The following COL25A1 variants were observed in gnomAD, a reference collection of about 807,000 sequenced individuals.
The protein encoded by COL25A1 is collagen type XXV alpha 1 chain.
Under a neutral mutation model 128.4 loss-of-function variants are expected in COL25A1, and 103 were observed. That is an observed-to-expected ratio of 0.80 (90% CI 0.68 to 0.94). The LOEUF is 0.94. COL25A1 is among the 40% of genes least tolerant of loss of function. The pLI is 0.00. For synonymous variants in COL25A1, 279 were observed against 277.2 expected (o/e 1.01, Z -0.06); for missense variants, 745 against 840.0 (o/e 0.89, Z 1.40).
chr4:109,024,093 T>C (rs1758011836), intron 5 of COL25A1, among the ~76,000 whole-genome samples: 1 of 152,214 alleles, frequency 6.6e-6, no homozygotes, highest in Non-Finnish European at 1.5e-5. Context: ...CAATACTTTA[T>C]TATAAAATAG....
chr4:109,165,314 GTTA>G (rs1377883610), intron 3 of COL25A1, among the ~76,000 whole-genome samples: 1 of 152,134 alleles, frequency 6.6e-6, no homozygotes, highest in Non-Finnish European at 1.5e-5. Flanking sequence ...CCTAAAATCA[GTTA>G]TCGGGGTCAT....
intron 3 of COL25A1, among the ~76,000 whole-genome samples, chr4:109,104,450 C>T (rs72670345): frequency 0.08 from 12,066 of 151,720 alleles, 826 homozygotes; most frequent in Admixed American, 0.24. Context: ...TTAATGGTTC[C>T]AATCAATGTT....
intron 19 of COL25A1, among the ~76,000 whole-genome samples, chr4:108,883,282 C>G (rs1740360032): frequency 6.6e-6 from 1 of 152,086 alleles, no homozygotes; most frequent in Admixed American, 6.5e-5. Context: ...CCCGCTTCAG[C>G]CTCCCAAAGT....
At chr4:109,265,678 A>G (rs142294115) in intron 3 of COL25A1, among the ~76,000 whole-genome samples, 333 of 152,202 alleles carry the variant, frequency 2.2e-3, no homozygotes, top group African/African-American at 7.5e-3. Flanking sequence ...CTGAACAGCC[A>G]TTGTTGCGGT....
chr4:109,268,429 G>A (rs1301922103), intron 3 of COL25A1, among the ~76,000 whole-genome samples: 2 of 152,104 alleles, frequency 1.3e-5, no homozygotes, highest in African/African-American at 2.4e-5. Flanking sequence ...GCATGCATAG[G>A]ACAACCTCTA....
At position 108,813,892 on chromosome 4, in the gene COL25A1, A is replaced by G; in HGVS notation, c.*35T>C. 6.4e-7 allele frequency: 1 copy of G among 1,552,432 alleles called. No homozygotes were observed. Among genetic ancestry groups the G allele is most frequent in the Non-Finnish European group, 8.9e-7 (1 of 1,129,502 alleles). ...CTATAAATATTAAAAATGGACCCTT[A>G]TATACACAACTTCATGCTTGAAAGG... On this transcript the variant is annotated 3_prime_UTR_variant, in exon 38 of 38. Coordinates refer to ENST00000399132, the MANE Select transcript of COL25A1 (RefSeq NM_198721.4).
chr4:109,131,394 G>T (rs1769181835), intron 3 of COL25A1, among the ~76,000 whole-genome samples: 1 of 152,198 alleles, frequency 6.6e-6, no homozygotes, highest in African/African-American at 2.4e-5. Context: ...TGGCAGAAAT[G>T]TAACGGATGA....
At chr4:109,223,893 T>C (rs1778596771) in intron 3 of COL25A1, among the ~76,000 whole-genome samples, 1 of 152,224 alleles carries the variant, frequency 6.6e-6, no homozygotes, top group South Asian at 2.1e-4. Flanking sequence ...AAGATACTGA[T>C]ATCCCTAAAG....
intron 3 of COL25A1, among the ~76,000 whole-genome samples, chr4:109,222,123 G>C (rs1010316661): frequency 2.3e-5 from 3 of 128,058 alleles, no homozygotes; most frequent in African/African-American, 3.3e-5. Context: ...GAGTGCAATG[G>C]CGCCATCCCA....
intron 3 of COL25A1, among the ~76,000 whole-genome samples, chr4:109,061,224 A>G (rs1761940564): frequency 6.6e-6 from 1 of 152,168 alleles, no homozygotes; most frequent in Non-Finnish European, 1.5e-5. Context: ...GAGGAGTGAC[A>G]ATCCTTTCTC....
intron 3 of COL25A1, among the ~76,000 whole-genome samples, chr4:109,202,070 C>G (rs1358288353): frequency 2.0e-5 from 3 of 152,112 alleles, no homozygotes; most frequent in Non-Finnish European, 4.4e-5. Context: ...AGGTTCAATG[C>G]AATCCCGATC....
At chr4:109,142,652 A>G (rs1237936227) in intron 3 of COL25A1, among the ~76,000 whole-genome samples, 1 of 151,462 alleles carries the variant, frequency 6.6e-6, no homozygotes, top group East Asian at 1.9e-4. Context: ...TCCCTTTACC[A>G]TTATGTAATG....
intron 3 of COL25A1, among the ~76,000 whole-genome samples, chr4:109,169,100 G>A (rs1211710633): frequency 6.6e-6 from 1 of 152,138 alleles, no homozygotes; most frequent in Non-Finnish European, 1.5e-5. Context: ...TAACTTGGTA[G>A]AAGTGTCCTT....
intron 3 of COL25A1, among the ~76,000 whole-genome samples, chr4:109,064,121 T>C (rs1285084770): frequency 6.6e-6 from 1 of 152,188 alleles, no homozygotes; most frequent in African/African-American, 2.4e-5. Context: ...CCTTATAGAA[T>C]AGAAAATCGG....
At chr4:109,234,344 T>C (rs2126223939) in intron 3 of COL25A1, among the ~76,000 whole-genome samples, 1 of 152,250 alleles carries the variant, frequency 6.6e-6, no homozygotes. Context: ...GTTAGCAGTG[T>C]GATAGACTCT....
chr4:109,158,302 A>G (rs1772228204), intron 3 of COL25A1, among the ~76,000 whole-genome samples: 1 of 151,950 alleles, frequency 6.6e-6, no homozygotes, highest in South Asian at 2.1e-4. Context: ...GTGAATGCCA[A>G]TGTTTTAAAG....
chr4:109,175,087 G>A (rs1358282080), intron 3 of COL25A1, among the ~76,000 whole-genome samples: 1 of 152,152 alleles, frequency 6.6e-6, no homozygotes, highest in Non-Finnish European at 1.5e-5. Flanking sequence ...ACTCCCATCT[G>A]TGTAAAAGTT....
rs1280739843 is a variant in COL25A1 at position 109,033,144 on chromosome 4, A to G, written c.420+15024T>C. On this transcript the variant is annotated intron_variant, in intron 5 of 37. Coordinates refer to ENST00000399132, the MANE Select transcript of COL25A1 (RefSeq NM_198721.4). ...CTCAGCCATTTGTTTTGTTTCATTG[A>G]AAGGAAAGTTCAGGGAAAAGTTTCA... is the stretch of plus-strand genomic sequence containing the variant. Among the ~76,000 whole-genome samples, 10 of 152,238 alleles carry G rather than the reference A, an allele frequency of 6.6e-5. No homozygotes were observed. In the East Asian group the frequency reaches 1.9e-3, roughly 29 times the overall value.
chr4:109,221,897 T>C (rs1206834455), intron 3 of COL25A1, among the ~76,000 whole-genome samples: 1 of 152,044 alleles, frequency 6.6e-6, no homozygotes, highest in Non-Finnish European at 1.5e-5. Flanking sequence ...GACACAATCA[T>C]GGGTCAATGT....
Sources: gnomAD v4.1 joint callset for allele counts (sites outside exome capture counted in the v4.1 genomes callset) on GRCh38, gnomAD v4.1.1 for gene constraint, MANE v1.5 for transcripts, NCBI Gene and HGNC (gene_info 2026-07-23, HGNC 2026-07-21) for gene names.